The following NBPF9 variants were observed in gnomAD, a reference collection of about 807,000 sequenced individuals.
NBPF9 encodes the protein NBPF member 9.
A neutral mutation model predicts 97.8 loss-of-function variants in NBPF9; 91 were observed. The observed-to-expected ratio is 0.93, with a 90% CI of 0.79 to 1.11. NBPF9 has a LOEUF of 1.11. Among genes scored for constraint, NBPF9 ranks in the 50% least tolerant of loss-of-function variants. The pLI, the probability that NBPF9 is intolerant of heterozygous loss-of-function variation, is 0.00. For synonymous variants in NBPF9, 334 were observed against 359.5 expected, an observed-to-expected ratio of 0.93 and a Z score of 0.80; for missense variants, 992 against 939.5, an observed-to-expected ratio of 1.06 and a Z score of -0.73.
At chr1:149,086,677 T>C (rs1215259885) in intron 5 of NBPF9, among the ~76,000 whole-genome samples, 3 of 152,202 alleles carry the variant, frequency 2.0e-5, no homozygotes, top group Non-Finnish European at 4.4e-5. Flanking sequence ...CATACACATA[T>C]AGCTTAGAAG....
At chr1:149,055,652 C>T (rs782148544) in exon 30 of NBPF9, 29 of 1,611,690 alleles carry the variant, frequency 1.8e-5, no homozygotes, top group Non-Finnish European at 2.2e-5. Context: ...TTAGTAAGGG[C>T]TGCTTATTGT....
exon 30 of NBPF9, chr1:149,055,330 T>A: frequency 2.0e-6 from 1 of 511,810 alleles, no homozygotes. Context: ...TGAGCAGGTA[T>A]AGAAGCTCAG....
At chr1:149,087,083 G>C (rs1553658748) in intron 5 of NBPF9, among the ~76,000 whole-genome samples, 1 of 151,792 alleles carries the variant, frequency 6.6e-6, no homozygotes, top group Non-Finnish European at 1.5e-5. Context: ...GATATGTACT[G>C]GTATCTCATT....
chr1:149,098,460 A>C lies in NBPF9; in HGVS notation c.-359T>G. The C allele has an allele frequency of 6.6e-7, 1 of 1,509,562 alleles. No individual in the cohort carries two copies. Among genetic ancestry groups the C allele is most frequent in the South Asian group, 1.2e-5 (1 of 80,164 alleles). The allele number at this position is 1,509,562 out of a possible 1,614,324, so 93.5% of individuals were successfully genotyped here. A position where few individuals can be genotyped will look rare whatever the true frequency, so the allele number is the denominator to read the frequency against. ...TACCTGTGGGATCTGGCAGCTCTTC[A>C]TTTGGCCCACACCGTGTGAGGTTGC... is the stretch of plus-strand genomic sequence containing the variant. On this transcript the variant is annotated 5_prime_UTR_variant, in exon 4 of 30. It removes an upstream start codon present in the reference 5' UTR. Coordinates refer to ENST00000584027, the Ensembl canonical transcript of NBPF9.
chr1:149,075,674 G>C (rs782493402), exon 12 of NBPF9: 1 of 1,610,130 alleles, frequency 6.2e-7, no homozygotes, highest in Non-Finnish European at 8.5e-7. Context: ...TCTGCTGGTT[G>C]GCCAGGAAGC....
In NBPF9 at chr1:149,055,702, G is replaced by C. The variant is rs782178443; in HGVS notation, c.3290C>G (p.Thr1097Arg). The C allele has an allele frequency of 1.1e-5, 17 of 1,611,792 alleles. No individual in the cohort carries two copies. In the East Asian group the frequency reaches 1.8e-4, roughly 17 times the overall value. Residue 1097 changes from threonine (T) to arginine (R), a missense_variant, in exon 30 of 30, where the codon ACA (threonine) becomes AGA (arginine). Physicochemically the swap from Thr to Arg is moderately conservative, Grantham distance 71. This residue lies in a region of NBPF9 where 397 missense variants were observed against 213.6 expected (regional missense o/e 1.86). Transcript: ENST00000584027. ...CATCTGGAACACCAGGTGGAGACTTGTCACCGTCAAAGTAAAAAACCTATT... is the reference window on the plus strand; with the variant it reads ...CATCTGGAACACCAGGTGGAGACTTCTCACCGTCAAAGTAAAAAACCTATT...
At chr1:149,071,199 G>C in intron 15 of NBPF9, 60 bp from the exon 16 acceptor site, 1 of 1,161,014 alleles carries the variant, frequency 8.6e-7, no homozygotes, top group Middle Eastern at 2.8e-4. Flanking sequence ...TTGGACCCCA[G>C]GGAGTCCTAG....
chr1:149,060,441 G>A lies in NBPF9; in HGVS notation c.2476+82C>T. The A allele has an allele frequency of 8.8e-6, 3 of 340,530 alleles. 1 individual carries two copies. The Admixed American group carries it at 1.6e-4, about 18-fold the overall frequency. The allele number at this position is 340,530 out of a possible 1,614,324, so 21.1% of individuals were successfully genotyped here. A position where few individuals can be genotyped will look rare whatever the true frequency, so the allele number is the denominator to read the frequency against. ...TGTGGCAATGACATCTCTCAGCTCAGTAATGGCCACTTGGAGCAGGAATAT... is the reference window on the plus strand; with the variant it reads ...TGTGGCAATGACATCTCTCAGCTCAATAATGGCCACTTGGAGCAGGAATAT... On this transcript the variant is annotated intron_variant, in intron 24 of 29. Coordinates refer to ENST00000584027, the Ensembl canonical transcript of NBPF9.
Position 149,099,615 on chromosome 1 carries a change from T to C in NBPF9, c.-605-909A>G, listed in dbSNP as rs1259353723. Among the ~76,000 whole-genome samples the C allele has an allele frequency of 5.0e-3, 767 of 152,296 alleles. 3 individuals carry two copies. Among genetic ancestry groups the C allele is most frequent in the Non-Finnish European group, 9.0e-3 (611 of 68,040 alleles). ...TACAAAATAATCATAATAACAACAA[T>C]GAATACTATATTCATAAATAATAGC... is the stretch of plus-strand genomic sequence containing the variant. On this transcript the variant is annotated intron_variant, in intron 3 of 29. Transcript: ENST00000584027.
chr1:149,055,618 C>A, exon 30 of NBPF9: 2 of 1,611,440 alleles, frequency 1.2e-6, no homozygotes, highest in Non-Finnish European at 1.7e-6. Flanking sequence ...ATAGGTCCTG[C>A]CTGCAGGAAT....
intron 17 of NBPF9, chr1:149,065,943 C>T (rs1388328855): frequency 1.7e-6 from 1 of 600,424 alleles, no homozygotes; most frequent in African/African-American, 1.9e-5. Context: ...CCCAGACTCT[C>T]CCTGTAAACT....
At chr1:149,103,351 C>A (rs71527377) in exon 1 of NBPF9, 2 of 152,100 alleles carry the variant, frequency 1.3e-5, no homozygotes, top group African/African-American at 4.8e-5. Context: ...CCCATCCAGA[C>A]GGCAGCCGCG....
intron 19 of NBPF9, 105 bp downstream of exon 19, chr1:149,064,326 G>A: frequency 1.3e-6 from 1 of 777,104 alleles, no homozygotes; most frequent in Non-Finnish European, 2.1e-6. Flanking sequence ...ATTCATACTT[G>A]TCTGACAAGA....
At chr1:149,090,664 G>A in intron 5 of NBPF9, 89 bp downstream of exon 5, 1 of 572,446 alleles carries the variant, frequency 1.7e-6, no homozygotes. Flanking sequence ...ATATGGGCTA[G>A]ATTAGAGAGA....
intron 23 of NBPF9, 152 bp downstream of exon 23, chr1:149,061,180 C>A (rs2078573810): frequency 3.0e-6 from 1 of 337,386 alleles, no homozygotes; most frequent in Non-Finnish European, 5.5e-6. Flanking sequence ...ACCTAAATAT[C>A]TACTGCAATG....
Position 149,060,924 on chromosome 1 carries a change from C to A in NBPF9, c.2304-229G>T, listed in dbSNP as rs1347036400. 4.6e-4 allele frequency: 160 copies of A among 345,966 alleles called. 13 individuals carry two copies. In the African/African-American group the frequency reaches 4.8e-3, roughly 10 times the overall value. 21.4% of individuals were successfully genotyped at this position (345,966 alleles called of 1,614,324 possible). On this transcript the variant is annotated intron_variant, in intron 23 of 29. Coordinates refer to ENST00000584027, the Ensembl canonical transcript of NBPF9. ...ACACACACACACACACACACACACA[C>A]AAACACACACACACAGAGAACGAGC...
intron 18 of NBPF9, chr1:149,064,967 G>A: frequency 3.7e-6 from 2 of 533,770 alleles, no homozygotes; most frequent in Middle Eastern, 5.3e-4. Flanking sequence ...TGGGTGAAAA[G>A]TCAGCCATTT....
intron 26 of NBPF9, 155 bp downstream of exon 26, chr1:149,058,770 C>G: frequency 1.5e-6 from 1 of 653,142 alleles, no homozygotes; most frequent in Non-Finnish European, 2.8e-6. Context: ...AGGCTTCCAA[C>G]TGAGACTACA....
chr1:149,062,668 G>C, intron 21 of NBPF9, among the ~76,000 whole-genome samples, 194 bp downstream of exon 21: 1 of 150,126 alleles, frequency 6.7e-6, no homozygotes, highest in Non-Finnish European at 1.5e-5. Flanking sequence ...TCAACCTATA[G>C]TAAGTTAGTA....
Sources: gnomAD v4.1 joint callset for allele counts (sites outside exome capture counted in the v4.1 genomes callset) on GRCh38, gnomAD v4.1.1 for gene constraint, gnomAD v4.1.1 regional missense constraint, MANE v1.5 for transcripts, NCBI Gene and HGNC (gene_info 2026-07-23, HGNC 2026-07-21) for gene names.